Variants in ZBTB40 observed in about 807,000 individuals in gnomAD.
The protein encoded by ZBTB40 is zinc finger and BTB domain containing 40.
Under a neutral mutation model 117.5 loss-of-function variants are expected in ZBTB40, and 60 were observed. The ratio of observed to expected loss-of-function variants is 0.51; its 90% CI spans 0.41 to 0.63. ZBTB40 has a LOEUF of 0.63. Ranked by LOEUF, ZBTB40 falls within the 30% of genes least tolerant of loss-of-function variation. The pLI is 0.00. For synonymous variants in ZBTB40, 525 were observed against 577.1 expected (o/e 0.91, Z 1.29); for missense variants, 1,287 against 1,498.5 (o/e 0.86, Z 2.33).
At chr1:22,501,090 A>G (rs1288006785) in intron 3 of ZBTB40, among the ~76,000 whole-genome samples, 1 of 152,224 alleles carries the variant, frequency 6.6e-6, no homozygotes, top group African/African-American at 2.4e-5. Flanking sequence ...GTGCCAGGCT[A>G]TGCTATTTGC....
rs766793804 is a variant in ZBTB40 at position 22,489,925 on chromosome 1, A to T, written c.-24A>T. 1 of 1,604,850 alleles carries T rather than the reference A, an allele frequency of 6.2e-7. No individual in the cohort carries two copies. The highest frequency in any genetic ancestry group is 1.7e-5 in the Admixed American group (1 of 59,998). Reference sequence around the variant, plus strand: ...ACTCTAAGGAGAGGAGAGGAAGAGCAGTTCTTGGGGCAGAGTTGACGCAAT... The same window carrying T: ...ACTCTAAGGAGAGGAGAGGAAGAGCTGTTCTTGGGGCAGAGTTGACGCAAT... On this transcript the variant is annotated 5_prime_UTR_variant, in exon 2 of 18. Transcript: ENST00000375647.
At chr1:22,509,965 T>C (rs1395334676) in intron 9 of ZBTB40, among the ~76,000 whole-genome samples, 2 of 152,228 alleles carry the variant, frequency 1.3e-5, no homozygotes, top group Non-Finnish European at 2.9e-5. Context: ...CTGGTCTTAT[T>C]ACATGTTCTA....
rs755781395 is a variant in ZBTB40, at chr1:22,517,477, T to G, written c.2833+13T>G. The G allele has an allele frequency of 3.1e-6, 5 of 1,607,962 alleles. No individual in the cohort carries two copies. The South Asian group carries it at 5.5e-5, about 18-fold the overall frequency. ...CACACCTTTCACAGTATGTAGAGAC[T>G]GTGGATCTCAAGCCCTCAGTGCCAG... On this transcript the variant is annotated intron_variant, in intron 13 of 17. Transcript: ENST00000375647.
chr1:22,484,142 C>T (rs1638402791), intron 1 of ZBTB40, among the ~76,000 whole-genome samples: 1 of 152,182 alleles, frequency 6.6e-6, no homozygotes, highest in African/African-American at 2.4e-5. Flanking sequence ...ACATTGTCTT[C>T]ATTATTGTAG....
chr1:22,474,985 C>T (rs1641521778), intron 1 of ZBTB40, among the ~76,000 whole-genome samples: 1 of 150,028 alleles, frequency 6.7e-6, no homozygotes, highest in Admixed American at 6.6e-5. Context: ...AGCTGGAACA[C>T]CCAAAAAGAT....
In ZBTB40 at chr1:22,517,439, C is replaced by T. The variant is rs758937378; in HGVS notation, c.2808C>T (p.Leu936=). The T allele has an allele frequency of 6.2e-7, 1 of 1,614,082 alleles. No homozygotes were observed. Among genetic ancestry groups the T allele is most frequent in the East Asian group, 2.2e-5 (1 of 44,876 alleles). Residue 936 remains leucine, a synonymous_variant, in exon 13 of 18, where the codon CTC becomes CTT. Transcript: ENST00000375647. ...CGKGFRQANG[L]SIHLHTFHNI... is the part of the protein sequence containing the mutation. ...AGGGCTTCCGGCAAGCCAATGGCCT[C>T]TCCATCCATCTGCACACCTTTCACA... is the stretch of plus-strand genomic sequence containing the variant.
chr1:22,501,691 GA>G lies in ZBTB40; in HGVS notation c.1024+9del. 1 of 1,613,136 alleles carries G rather than the reference GA, an allele frequency of 6.2e-7. No individual in the cohort carries two copies. The highest frequency in any genetic ancestry group is 1.1e-5 in the South Asian group (1 of 90,998). On this transcript the variant is annotated splice_region_variant and intron_variant, in intron 4 of 17. Coordinates refer to ENST00000375647, the MANE Select transcript of ZBTB40 (RefSeq NM_014870.4). ...GACACAGTGCAGCCAAAAGGTAGGAGAAGATCCTATGCATTGGAATGGCAGG... is the reference window on the plus strand; with the variant it reads ...GACACAGTGCAGCCAAAAGGTAGGAGAGATCCTATGCATTGGAATGGCAGG...
At chr1:22,441,530 T>A (rs1325695069) in intron 1 of ZBTB40, among the ~76,000 whole-genome samples, 1 of 133,212 alleles carries the variant, frequency 7.5e-6, no homozygotes, top group Non-Finnish European at 1.6e-5. Context: ...CAGGTTGGAG[T>A]GCAGTGCAGT....
intron 13 of ZBTB40, 80 bp from the exon 14 acceptor site, chr1:22,519,981 C>T (rs1261475947): frequency 1.2e-5 from 15 of 1,246,944 alleles, no homozygotes; most frequent in Non-Finnish European, 1.8e-5. Context: ...TACACAACAA[C>T]CAGTGTTTCA....
intron 6 of ZBTB40, 151 bp downstream of exon 6, chr1:22,506,392 T>G (rs1205353193): frequency 3.5e-6 from 3 of 850,974 alleles, no homozygotes; most frequent in Non-Finnish European, 5.6e-6. Context: ...TCGATAATTC[T>G]CGATCTCTCT....
chr1:22,488,277 T>C (rs1638529110), intron 1 of ZBTB40, among the ~76,000 whole-genome samples: 1 of 152,234 alleles, frequency 6.6e-6, no homozygotes, highest in African/African-American at 2.4e-5. Flanking sequence ...CTTACCCTAA[T>C]GGAGCTTACA....
rs761569668 is a variant in ZBTB40 at position 22,510,268 on chromosome 1, C to G, written c.1834-911C>G. On this transcript the variant is annotated intron_variant, in intron 9 of 17. Transcript: ENST00000375647. ...TGCAGAAGGGCGGGTTTCTAACTCTCTCTGTGCAGGTGACAGCCACATGTT... is the reference window on the plus strand; with the variant it reads ...TGCAGAAGGGCGGGTTTCTAACTCTGTCTGTGCAGGTGACAGCCACATGTT... Among the ~76,000 whole-genome samples, 8 of 152,312 alleles carry G rather than the reference C, an allele frequency of 5.3e-5. No homozygotes were observed. In the East Asian group the frequency reaches 1.2e-3, roughly 22 times the overall value.
intron 3 of ZBTB40, among the ~76,000 whole-genome samples, chr1:22,497,971 G>A (rs1638823997): frequency 6.6e-6 from 1 of 152,168 alleles, no homozygotes; most frequent in Non-Finnish European, 1.5e-5. Context: ...GAGTGAACAA[G>A]AATATAGTGT....
intron 12 of ZBTB40, among the ~76,000 whole-genome samples, chr1:22,514,599 GACCTT>G (rs1275513409): frequency 1.3e-5 from 2 of 152,268 alleles, no homozygotes; most frequent in African/African-American, 2.4e-5. Flanking sequence ...CCTCCTTTGA[GACCTT>G]ACTCACACTT....
chr1:22,521,690 G>C (rs753665678), intron 15 of ZBTB40, 32 bp downstream of exon 15: 1 of 1,614,152 alleles, frequency 6.2e-7, no homozygotes, highest in East Asian at 2.2e-5. Context: ...CAGAGAGCGG[G>C]AGGGGCTTGA....
intron 3 of ZBTB40, among the ~76,000 whole-genome samples, chr1:22,501,013 A>G (rs1051692479): frequency 6.6e-6 from 1 of 152,238 alleles, no homozygotes; most frequent in African/African-American, 2.4e-5. Flanking sequence ...AAAATGCCAG[A>G]TTCAGAAAGG....
At chr1:22,522,688 T>C (rs1639564480) in intron 16 of ZBTB40, among the ~76,000 whole-genome samples, 1 of 152,222 alleles carries the variant, frequency 6.6e-6, no homozygotes, top group Non-Finnish European at 1.5e-5. Flanking sequence ...TGATTGTCAT[T>C]GTTATTGCTA....
intron 1 of ZBTB40, among the ~76,000 whole-genome samples, chr1:22,438,305 T>A (rs1192674039): frequency 6.6e-6 from 1 of 151,830 alleles, no homozygotes; most frequent in African/African-American, 2.4e-5. Context: ...TTATTTCACT[T>A]AACATAATGT....
intron 1 of ZBTB40, among the ~76,000 whole-genome samples, chr1:22,433,435 A>AAAACAAAAACAAAAACAAAC (rs1386807539): frequency 8.3e-6 from 1 of 120,198 alleles, no homozygotes; most frequent in African/African-American, 3.4e-5. Context: ...GCCCTCTCAA[A>AAAACAAAAACAAAAACAAAC]AAAAAAAAAA....
Sources: allele counts gnomAD v4.1 joint callset (sites outside exome capture counted in the v4.1 genomes callset), GRCh38; gene constraint gnomAD v4.1.1; transcripts MANE v1.5; gene names NCBI Gene and HGNC (gene_info 2026-07-23, HGNC 2026-07-21).